Variants in HDLBP observed in about 807,000 individuals in gnomAD.
The protein encoded by HDLBP is vigilin.
Under a neutral mutation model 137.3 loss-of-function variants are expected in HDLBP, and 30 were observed. That is an observed-to-expected ratio of 0.22 (90% CI 0.16 to 0.30). The LOEUF (loss-of-function observed/expected upper bound fraction) is 0.30. HDLBP is among the 10% of genes least tolerant of loss of function. The pLI, the probability that HDLBP is intolerant of heterozygous loss-of-function variation, is 1.00. For synonymous variants in HDLBP, 606 were observed against 596.0 expected (o/e 1.02, Z -0.24); for missense variants, 1,119 against 1,667.3 (o/e 0.67, Z 5.73).
chr2:241,267,444 C>T, intron 2 of HDLBP: 2 of 795,096 alleles, frequency 2.5e-6, no homozygotes, highest in South Asian at 1.6e-5. Flanking sequence ...ACAGTCAACA[C>T]CACCCCTAAC....
Position 241,255,139 on chromosome 2 carries a change from G to A in HDLBP, c.1100C>T (p.Ser367Phe), listed in dbSNP as rs566762728. ...AAGCCAGGAAGGGGCGGCGACAGAG[G>A]AGACGGTGAAGCTATTGGCCTAAGA... ...VYAKANSFTV[S>F]SVAAPSWLHR... is the part of the protein sequence containing the mutation. The change falls in exon 9 of 28, where the codon TCC becomes TTC. Residue 367 changes from serine (S) to phenylalanine (F), a missense_variant. Ser to Phe is a radical substitution (Grantham distance 155). Coordinates refer to ENST00000310931, the MANE Select transcript of HDLBP (RefSeq NM_005336.6). 3.1e-6 allele frequency: 5 copies of A among 1,614,162 alleles called. No homozygotes were observed. Among genetic ancestry groups the A allele is most frequent in the Non-Finnish European group, 8.5e-7 (1 of 1,180,022 alleles).
chr2:241,292,677 T>C (rs941981640), intron 1 of HDLBP, among the ~76,000 whole-genome samples: 9 of 152,262 alleles, frequency 5.9e-5, no homozygotes, highest in African/African-American at 2.2e-4. Flanking sequence ...AATACTCAAA[T>C]GAAAAATATA....
chr2:241,250,515 T>C (rs1239674338), intron 11 of HDLBP: 1 of 152,650 alleles, frequency 6.6e-6, no homozygotes, highest in African/African-American at 2.4e-5. Context: ...ACAAGTGCTG[T>C]TGCAAACCCT....
In HDLBP at chr2:241,256,286, G is replaced by A. The variant is rs2072606458; in HGVS notation, c.771C>T (p.Asn257=). 1.5e-5 allele frequency: 25 copies of A among 1,614,182 alleles called. No homozygotes were observed. Among genetic ancestry groups the A allele is most frequent in the Non-Finnish European group, 2.0e-5 (24 of 1,180,026 alleles). ...EIMQETGTRI[N]IPPPSVNRTE... Reference sequence around the variant, plus strand: ...TCCGGTTCACGCTGGGTGGGGGGATGTTGATGCGCGTGCCTGTCTCCTGCA... The same window carrying A: ...TCCGGTTCACGCTGGGTGGGGGGATATTGATGCGCGTGCCTGTCTCCTGCA... The change falls in exon 7 of 28, where the codon AAC becomes AAT. Residue 257 remains asparagine, a synonymous_variant. Coordinates refer to ENST00000310931, the MANE Select transcript of HDLBP (RefSeq NM_005336.6).
In HDLBP at chr2:241,272,967, T is replaced by G. The variant is rs2074227424; in HGVS notation, c.-102-4426A>C. The G allele has an allele frequency of 1.0e-6, 1 of 967,338 alleles. No homozygotes were observed. The highest frequency in any genetic ancestry group is 1.8e-5 in the African/African-American group (1 of 56,844). The allele number at this position is 967,338 out of a possible 1,614,324, so 59.9% of individuals were successfully genotyped here. On this transcript the variant is annotated intron_variant, in intron 1 of 27. Transcript: ENST00000310931. The surrounding 1 kb of genome is among the most constrained non-coding windows in gnomAD (Gnocchi z 5.6). Reference sequence around the variant, plus strand: ...CCAGCACCCGGGAGGCCCACCCAACTGCAGGCGTGGTTCTGCATCCTTTTT... The same window carrying G: ...CCAGCACCCGGGAGGCCCACCCAACGGCAGGCGTGGTTCTGCATCCTTTTT...
chr2:241,236,913 T>C (rs1444820579), intron 20 of HDLBP, 144 bp from the exon 21 acceptor site: 1 of 736,722 alleles, frequency 1.4e-6, no homozygotes, highest in East Asian at 3.0e-5. Context: ...CAGGAGGTCT[T>C]GGTCTGGTCA....
chr2:241,310,418 A>G (rs1361937749), intron 1 of HDLBP, among the ~76,000 whole-genome samples: 1 of 152,254 alleles, frequency 6.6e-6, no homozygotes, highest in Non-Finnish European at 1.5e-5. Context: ...GTAATCTCAT[A>G]TGCTTTCACC....
rs770654058 is a variant in HDLBP at position 241,253,395 on chromosome 2, A to G, written c.1291T>C (p.Leu431=). The G allele has an allele frequency of 1.9e-6, 3 of 1,600,348 alleles. No individual in the cohort carries two copies. Among genetic ancestry groups the G allele is most frequent in the Non-Finnish European group, 2.6e-6 (3 of 1,167,436 alleles). Reference sequence around the variant, plus strand: ...CAACATTCCAAGGGGTACCTTACCAAATCTTTGACCATGCCTTCTATCTGT... The same window carrying G: ...CAACATTCCAAGGGGTACCTTACCAGATCTTTGACCATGCCTTCTATCTGT... The part of the protein sequence containing the change: ...QEQIEGMVKD[L]INRMDYVEIN... Residue 431 remains leucine, a splice_region_variant and synonymous_variant, in exon 10 of 28, where the codon TTG becomes CTG. Coordinates refer to ENST00000310931, the MANE Select transcript of HDLBP (RefSeq NM_005336.6).
At chr2:241,232,425 G>A (rs1421792140) in intron 24 of HDLBP, among the ~76,000 whole-genome samples, 1 of 152,058 alleles carries the variant, frequency 6.6e-6, no homozygotes, top group Non-Finnish European at 1.5e-5. Flanking sequence ...ACAGGTGCAC[G>A]CGACCACGCC....
chr2:241,233,913 G>T lies in HDLBP; in HGVS notation c.3195C>A (p.Pro1065=), dbSNP rs146188468. The T allele has an allele frequency of 5.6e-6, 9 of 1,613,992 alleles. No individual in the cohort carries two copies. The African/African-American group carries it at 6.7e-5, about 12-fold the overall frequency. The change falls in exon 24 of 28, where the codon CCC becomes CCA. Residue 1065 remains proline (P), a synonymous_variant. Transcript: ENST00000310931. This position sits in a 1 kb window ranked among gnomAD's most constrained non-coding sequence, Gnocchi z 4.3. ...LSVTVDPKYH[P]KIIGRKGAVI... is the part of the protein sequence containing the mutation. ...CTGCCCCCTTTCTCCCGATAATCTT[G>T]GGATGGTATTTGGGGTCTACAGTGA...
intron 27 of HDLBP, 60 bp from the exon 28 acceptor site, chr2:241,229,747 C>T (rs73013893): frequency 0.042 from 68,262 of 1,609,080 alleles, 1,667 homozygotes; most frequent in South Asian, 0.053. Flanking sequence ...AAGCAGCTTC[C>T]GACGCAGTTG....
At chr2:241,229,718 G>C in intron 27 of HDLBP, 31 bp from the exon 28 acceptor site, 1 of 1,612,268 alleles carries the variant, frequency 6.2e-7, no homozygotes, top group Non-Finnish European at 8.5e-7. Flanking sequence ...GCTTCAGGAG[G>C]GGATGCTCCC....
chr2:241,299,212 T>C (rs2075299687), intron 1 of HDLBP, among the ~76,000 whole-genome samples: 1 of 152,202 alleles, frequency 6.6e-6, no homozygotes. Context: ...GTACTACTAC[T>C]GTGATTAGAA....
intron 14 of HDLBP, 52 bp downstream of exon 14, chr2:241,247,951 C>A: frequency 7.7e-7 from 1 of 1,299,124 alleles, no homozygotes; most frequent in Non-Finnish European, 1.1e-6. Context: ...AGGACGCATG[C>A]CCCACCCACC....
In HDLBP at chr2:241,237,268, T is replaced by C. The variant is rs2070659187; in HGVS notation, c.2750-499A>G. Among the ~76,000 whole-genome samples, 2 of 152,028 alleles carry C rather than the reference T, an allele frequency of 1.3e-5. 1 individual carries two copies. Among genetic ancestry groups the C allele is most frequent in the South Asian group, 4.2e-4 (2 of 4,816 alleles). On this transcript the variant is annotated intron_variant, in intron 20 of 27. Transcript: ENST00000310931. The stretch of plus-strand genomic sequence containing the variant: ...GGAGACAGAAAGGGCAAGGCCAAGG[T>C]AAACCTGTGCCAGCTCCTTATGCCA...
chr2:241,272,681 C>G lies in HDLBP; in HGVS notation c.-102-4140G>C. ...CCGCGGCCTCCACGTCAGCAGCCAC[C>G]CCCCACCCCCCCGCCCGGCAGCCCG... On this transcript the variant is annotated intron_variant, in intron 1 of 27. Transcript: ENST00000310931. This position sits in a 1 kb window ranked among gnomAD's most constrained non-coding sequence, Gnocchi z 5.6. 2.6e-6 allele frequency: 2 copies of G among 781,444 alleles called. No individual in the cohort carries two copies. The highest frequency in any genetic ancestry group is 1.2e-4 in the South Asian group (2 of 17,004). 48.4% of individuals were successfully genotyped at this position (781,444 alleles called of 1,614,324 possible).
rs749688248 is a variant in HDLBP, at chr2:241,239,361, T to G, written c.2610+241A>C. ...CCTCTCTCTCTCTCCCCTCTCCTCT[T>G]CTCCTTCTCTCTCTCTTTTTTTTTT... On this transcript the variant is annotated intron_variant, in intron 19 of 27. Coordinates refer to ENST00000310931, the MANE Select transcript of HDLBP (RefSeq NM_005336.6). This position sits in a 1 kb window ranked among gnomAD's most constrained non-coding sequence, Gnocchi z 4.6. Among the ~76,000 whole-genome samples the G allele has an allele frequency of 1.3e-5, 2 of 152,036 alleles. No homozygotes were observed. The highest frequency in any genetic ancestry group is 2.9e-5 in the Non-Finnish European group (2 of 67,982).
At chr2:241,292,171 C>G (rs1379646041) in intron 1 of HDLBP, among the ~76,000 whole-genome samples, 1 of 152,028 alleles carries the variant, frequency 6.6e-6, no homozygotes, top group Non-Finnish European at 1.5e-5. Flanking sequence ...GTGGAATATC[C>G]TTGAAACCAC....
At chr2:241,305,119 A>G (rs917115599) in intron 1 of HDLBP, among the ~76,000 whole-genome samples, 25 of 152,290 alleles carry the variant, frequency 1.6e-4, no homozygotes, top group African/African-American at 6.0e-4. Flanking sequence ...TCACTCTACC[A>G]GGCTCTACTT....
Sources: gnomAD v4.1 joint callset for allele counts (sites outside exome capture counted in the v4.1 genomes callset) on GRCh38, gnomAD v4.1.1 for gene constraint, Gnocchi (gnomAD v3.1) non-coding constraint, MANE v1.5 for transcripts, NCBI Gene and HGNC (gene_info 2026-07-23, HGNC 2026-07-21) for gene names.